The following CDH6 variants were observed in gnomAD, a reference collection of about 807,000 sequenced individuals.
The protein encoded by CDH6 is cadherin-6.
In CDH6, 31 loss-of-function variants were observed where a neutral mutation model predicts 78.0. That is an observed-to-expected ratio of 0.40 (90% CI 0.30 to 0.54). CDH6 has a LOEUF of 0.54. Among genes scored for constraint, CDH6 ranks in the 20% least tolerant of loss-of-function variants. CDH6 has a pLI of 0.56. For synonymous variants in CDH6, 376 were observed against 368.8 expected, an observed-to-expected ratio of 1.02 and a Z score of -0.23; for missense variants, 724 against 975.9, an observed-to-expected ratio of 0.74 and a Z score of 3.44.
At chr5:31,248,626 G>T (rs1312104455) in intron 1 of CDH6, among the ~76,000 whole-genome samples, 1 of 152,080 alleles carries the variant, frequency 6.6e-6, no homozygotes, top group East Asian at 1.9e-4. Flanking sequence ...CTAACAAGTT[G>T]TACTGATCTT....
intron 1 of CDH6, among the ~76,000 whole-genome samples, chr5:31,265,628 A>T (rs1424182305): frequency 2.0e-5 from 3 of 152,200 alleles, no homozygotes; most frequent in African/African-American, 7.2e-5. Context: ...ATGTAGAGAA[A>T]AAAATACTAA....
chr5:31,317,981 T>C (rs751745435), intron 11 of CDH6, 57 bp downstream of exon 11: 1 of 1,587,864 alleles, frequency 6.3e-7, no homozygotes, highest in South Asian at 1.1e-5. Context: ...ACACTGTTAC[T>C]GTGACACTCT....
intron 11 of CDH6, among the ~76,000 whole-genome samples, chr5:31,322,079 T>C (rs938307715): frequency 6.6e-6 from 1 of 152,132 alleles, no homozygotes; most frequent in African/African-American, 2.4e-5. Flanking sequence ...TTATAGAACA[T>C]GAACCTTTGA....
At chr5:31,298,837 G>C (rs1737677212) in intron 4 of CDH6, among the ~76,000 whole-genome samples, 1 of 152,088 alleles carries the variant, frequency 6.6e-6, no homozygotes, top group Non-Finnish European at 1.5e-5. Context: ...ATTCTAAAAG[G>C]CTGAAAGACC....
At chr5:31,318,417 T>C (rs1273704248) in intron 11 of CDH6, 1 of 267,018 alleles carries the variant, frequency 3.7e-6, no homozygotes, top group Non-Finnish European at 7.3e-6. Flanking sequence ...AGCAAACTAA[T>C]GTTGATTTAC....
intron 1 of CDH6, among the ~76,000 whole-genome samples, chr5:31,200,833 T>C (rs1438789526): frequency 2.0e-5 from 3 of 152,128 alleles, no homozygotes; most frequent in Non-Finnish European, 2.9e-5. Context: ...ATTGCCGCCA[T>C]TCAAAAAGTC....
intron 1 of CDH6, among the ~76,000 whole-genome samples, chr5:31,208,451 G>A (rs1311560525): frequency 6.6e-6 from 1 of 152,128 alleles, no homozygotes; most frequent in East Asian, 1.9e-4. Flanking sequence ...CTACCAACAG[G>A]TACCTTTGGC....
chr5:31,258,260 G>A (rs1466978832), intron 1 of CDH6, among the ~76,000 whole-genome samples: 1 of 152,152 alleles, frequency 6.6e-6, no homozygotes, highest in Non-Finnish European at 1.5e-5. Context: ...GTGATAGACT[G>A]GATAAAGAAA....
At chr5:31,228,962 A>G (rs1161245891) in intron 1 of CDH6, among the ~76,000 whole-genome samples, 1 of 152,242 alleles carries the variant, frequency 6.6e-6, no homozygotes, top group Non-Finnish European at 1.5e-5. Flanking sequence ...CTCATAGGGC[A>G]TAAAAAGTAC....
intron 5 of CDH6, 21 bp from the exon 6 acceptor site, chr5:31,302,090 T>C (rs760699606): frequency 7.7e-6 from 12 of 1,561,906 alleles, no homozygotes; most frequent in African/African-American, 1.3e-5. Flanking sequence ...GTTTGACTTA[T>C]ATCTGTCTGG....
At chr5:31,197,556 T>C (rs1740203314) in intron 1 of CDH6, among the ~76,000 whole-genome samples, 1 of 152,206 alleles carries the variant, frequency 6.6e-6, no homozygotes, top group Admixed American at 6.5e-5. Flanking sequence ...CAATCAAACT[T>C]TCTCTGGTTT....
intron 1 of CDH6, among the ~76,000 whole-genome samples, chr5:31,245,481 T>A (rs1579846876): frequency 6.6e-6 from 1 of 152,234 alleles, no homozygotes. Context: ...TTGTCCAGGA[T>A]GAAATGTTAA....
At chr5:31,199,860 G>A (rs1740301913) in intron 1 of CDH6, among the ~76,000 whole-genome samples, 1 of 151,698 alleles carries the variant, frequency 6.6e-6, no homozygotes, top group Non-Finnish European at 1.5e-5. Flanking sequence ...ATTTCGCATA[G>A]CAATAATTAC....
intron 1 of CDH6, among the ~76,000 whole-genome samples, chr5:31,258,133 A>G (rs921304562): frequency 7.9e-5 from 12 of 152,212 alleles, no homozygotes; most frequent in Admixed American, 2.0e-4. Flanking sequence ...AATCTCATTT[A>G]TAGGTATATA....
chr5:31,218,895 C>T (rs1475645850), intron 1 of CDH6, among the ~76,000 whole-genome samples: 2 of 152,214 alleles, frequency 1.3e-5, no homozygotes, highest in Non-Finnish European at 2.9e-5. Flanking sequence ...TCTTTCCTAG[C>T]ACACTCTGCT....
chr5:31,205,201 CT>C, intron 1 of CDH6, among the ~76,000 whole-genome samples: 1 of 152,328 alleles, frequency 6.6e-6, no homozygotes, highest in Non-Finnish European at 1.5e-5. Flanking sequence ...ACGAAAGCAT[CT>C]CTTAAATATT....
chr5:31,237,426 A>T (rs1028322174), intron 1 of CDH6, among the ~76,000 whole-genome samples: 1 of 152,116 alleles, frequency 6.6e-6, no homozygotes. Flanking sequence ...TATTGTTCAG[A>T]GAGATCATAC....
chr5:31,282,762 G>T (rs1742895951), intron 2 of CDH6, among the ~76,000 whole-genome samples: 1 of 152,130 alleles, frequency 6.6e-6, no homozygotes, highest in African/African-American at 2.4e-5. Context: ...ATTGTCAAGG[G>T]AATTAGTAAA....
intron 2 of CDH6, among the ~76,000 whole-genome samples, chr5:31,288,783 T>C (rs1016961022): frequency 6.6e-6 from 1 of 152,220 alleles, no homozygotes; most frequent in Non-Finnish European, 1.5e-5. Flanking sequence ...AACCATAACA[T>C]TTCTTAAAGA....
Sources: allele counts gnomAD v4.1 joint callset (sites outside exome capture counted in the v4.1 genomes callset), GRCh38; gene constraint gnomAD v4.1.1; transcripts MANE v1.5; gene names NCBI Gene and HGNC (gene_info 2026-07-23, HGNC 2026-07-21).